The following MYO9B variants were observed in gnomAD, a reference collection of about 807,000 sequenced individuals.
MYO9B encodes the protein unconventional myosin-IXb.
A neutral mutation model predicts 229.5 loss-of-function variants in MYO9B; 71 were observed. The ratio of observed to expected loss-of-function variants is 0.31; its 90% confidence interval spans 0.26 to 0.38. The LOEUF (loss-of-function observed/expected upper bound fraction) is 0.38, where lower values mean the gene tolerates loss of function less well. Ranked by LOEUF, MYO9B falls within the 10% of genes least tolerant of loss-of-function variation. The pLI is 1.00. For missense variants in MYO9B, 2,255 were observed against 2,920.5 expected (o/e 0.77, Z 5.25); for synonymous variants, 1,185 against 1,235.8 (o/e 0.96, Z 0.86).
At chr19:17,183,201 C>G (rs999930975) in intron 15 of MYO9B, among the ~76,000 whole-genome samples, 1 of 152,204 alleles carries the variant, frequency 6.6e-6, no homozygotes, top group Non-Finnish European at 1.5e-5. Flanking sequence ...GGATTACAGG[C>G]GTGAGCCACT....
At chr19:17,174,907 C>A (rs2072767224) in intron 13 of MYO9B, among the ~76,000 whole-genome samples, 1 of 151,392 alleles carries the variant, frequency 6.6e-6, no homozygotes, top group Admixed American at 6.6e-5. Flanking sequence ...GCACTCCAGC[C>A]CAGGCGACAG....
intron 1 of MYO9B, among the ~76,000 whole-genome samples, chr19:17,080,871 T>TA (rs35753035): frequency 3.5e-4 from 52 of 146,496 alleles, no homozygotes; most frequent in Non-Finnish European, 4.1e-4. Flanking sequence ...CCCCATCTCT[T>TA]AAAAAAAAAA....
chr19:17,168,133 C>G, intron 11 of MYO9B, 69 bp downstream of exon 11: 3 of 1,572,344 alleles, frequency 1.9e-6, no homozygotes, highest in Non-Finnish European at 2.6e-6. Flanking sequence ...CTGCAGCCCC[C>G]AGAGCCTTAC....
At chr19:17,188,700 G>A (rs2072947358) in intron 19 of MYO9B, among the ~76,000 whole-genome samples, 2 of 152,092 alleles carry the variant, frequency 1.3e-5, no homozygotes, top group Admixed American at 6.6e-5. Context: ...TTAAATATTT[G>A]AAATAATAAT....
chr19:17,080,783 C>A (rs547798164), intron 1 of MYO9B, among the ~76,000 whole-genome samples: 5 of 151,910 alleles, frequency 3.3e-5, no homozygotes, highest in African/African-American at 9.7e-5. Flanking sequence ...ACAGACAGAT[C>A]GCTTGAGCCT....
chr19:17,173,015 C>T, intron 13 of MYO9B, 52 bp downstream of exon 13: 3 of 1,571,434 alleles, frequency 1.9e-6, no homozygotes, highest in Non-Finnish European at 2.6e-6. Context: ...GAGGGGGGCA[C>T]ATCCTGAGTT....
In MYO9B at chr19:17,194,690, C is replaced by T. The variant is rs555189309; in HGVS notation, c.3263C>T (p.Pro1088Leu). The T allele has an allele frequency of 1.6e-5, 25 of 1,612,786 alleles. No homozygotes were observed. The highest frequency in any genetic ancestry group is 2.2e-5 in the East Asian group (1 of 44,884). ...GGGCAGCAGGTAGCTGAGCAGGGGC[C>T]GGAGCCAGCGGAGGATGGCGGGCAC... is the stretch of plus-strand genomic sequence containing the variant. The part of the protein sequence containing the change: ...AGGQQVAEQG[P>L]EPAEDGGHLA... Residue 1088 changes from proline (P) to leucine (L), a missense_variant, in exon 22 of 40, where the codon CCG becomes CTG. Around this residue, in one of 7 missense-constraint regions of MYO9B, gnomAD observed 679 missense variants for 770.2 expected, o/e 0.88. Coordinates refer to ENST00000682292, the MANE Select transcript of MYO9B (RefSeq NM_004145.4).
chr19:17,186,794 G>C (rs182208138), intron 18 of MYO9B, among the ~76,000 whole-genome samples: 1 of 151,944 alleles, frequency 6.6e-6, no homozygotes, highest in Non-Finnish European at 1.5e-5. Context: ...ACAGTGGTGC[G>C]ATCTCGGCTC....
rs746503197 is a variant in MYO9B at position 17,210,805 on chromosome 19, A to G, written c.5887A>G (p.Lys1963Glu). The G allele has an allele frequency of 8.0e-5, 127 of 1,596,880 alleles. No homozygotes were observed. Among genetic ancestry groups the G allele is most frequent in the Middle Eastern group, 1.7e-4 (1 of 6,036 alleles). ...AGCCGGCGGCGATGAGGACCGGGAA[A>G]AGGAGATTCTCATTGAACGGATCCA... is the stretch of plus-strand genomic sequence containing the variant. ...EAAGGDEDRE[K>E]EILIERIQSI... The change falls in exon 38 of 40, where the codon AAG becomes GAG. Residue 1963 changes from lysine (K) to glutamate (E), a missense_variant. By Grantham distance (56) the Lys-to-Glu change is moderately conservative. Coordinates refer to ENST00000682292, the MANE Select transcript of MYO9B (RefSeq NM_004145.4).
At chr19:17,162,590 C>T in intron 9 of MYO9B, 124 bp downstream of exon 9, 1 of 828,448 alleles carries the variant, frequency 1.2e-6, no homozygotes, top group Non-Finnish European at 1.9e-6. Flanking sequence ...GGCTGTTTCC[C>T]CACAAGGACA....
At chr19:17,149,574 T>G (rs1467166022) in intron 3 of MYO9B, among the ~76,000 whole-genome samples, 1 of 152,112 alleles carries the variant, frequency 6.6e-6, no homozygotes, top group Non-Finnish European at 1.5e-5. Context: ...GAGGTGCACT[T>G]CCTATCCCAA....
In MYO9B at chr19:17,194,571, C is replaced by T. The variant is rs773415215; in HGVS notation, c.3144C>T (p.Ile1048=). 11 of 1,612,544 alleles carry T rather than the reference C, an allele frequency of 6.8e-6. No homozygotes were observed. The Admixed American group carries it at 1.2e-4, about 17-fold the overall frequency. The change falls in exon 22 of 40, where the codon ATC becomes ATT. Residue 1048 remains isoleucine, a synonymous_variant. Transcript: ENST00000682292. ...CTCACTCCAGCTTCAGCCAGATGAT[C>T]TCGGAGAAGCAGAAGGCAGAAGAGA... is the stretch of plus-strand genomic sequence containing the variant. The part of the protein sequence containing the change: ...HLQRKSFSQM[I]SEKQKAEEKE...
chr19:17,183,899 G>C, intron 16 of MYO9B, 31 bp downstream of exon 16: 2 of 1,544,090 alleles, frequency 1.3e-6, no homozygotes, highest in Non-Finnish European at 1.7e-6. Context: ...CGCGCGACAC[G>C]TTCCAAGATA....
chr19:17,180,062 A>C (rs2072839388), intron 14 of MYO9B, among the ~76,000 whole-genome samples: 1 of 151,208 alleles, frequency 6.6e-6, no homozygotes, highest in Non-Finnish European at 1.5e-5. Context: ...ATGAAACCCC[A>C]TCTCTACTAA....
chr19:17,120,126 G>T (rs2057948415), intron 2 of MYO9B, among the ~76,000 whole-genome samples: 1 of 152,090 alleles, frequency 6.6e-6, no homozygotes, highest in South Asian at 2.1e-4. Flanking sequence ...CAAGATGGAG[G>T]TGATGAGGAG....
chr19:17,122,482 A>G (rs920537772), intron 2 of MYO9B, among the ~76,000 whole-genome samples: 1 of 152,018 alleles, frequency 6.6e-6, no homozygotes, highest in East Asian at 1.9e-4. Flanking sequence ...GCACCTCTGC[A>G]CTCCAGCCTG....
intron 1 of MYO9B, among the ~76,000 whole-genome samples, chr19:17,093,925 A>G (rs1397787315): frequency 6.6e-6 from 1 of 151,884 alleles, no homozygotes; most frequent in Non-Finnish European, 1.5e-5. Flanking sequence ...TGTGTGGCCC[A>G]GGCTGGTGTC....
intron 2 of MYO9B, among the ~76,000 whole-genome samples, chr19:17,123,424 TTGTGTGTG>T (rs3222984): frequency 0.057 from 8,436 of 146,904 alleles, 397 homozygotes; most frequent in Admixed American, 0.079. Context: ...CAGTAGAAAT[TTGTGTGTG>T]TGTGTGTGTG....
At chr19:17,168,511 C>T (rs2145342293) in intron 11 of MYO9B, among the ~76,000 whole-genome samples, 1 of 152,262 alleles carries the variant, frequency 6.6e-6, no homozygotes, top group East Asian at 1.9e-4. Flanking sequence ...ACCACAAAAC[C>T]CAAGCTCGTG....
Sources: gnomAD v4.1 joint callset for allele counts (sites outside exome capture counted in the v4.1 genomes callset) on GRCh38, gnomAD v4.1.1 for gene constraint, gnomAD v4.1.1 regional missense constraint, MANE v1.5 for transcripts, NCBI Gene and HGNC (gene_info 2026-07-23, HGNC 2026-07-21) for gene names.